SHISA6: variants seen among roughly 807,000 people sequenced by gnomAD.
The protein encoded by SHISA6 is protein shisa-6.
A neutral mutation model predicts 47.9 loss-of-function variants in SHISA6; 22 were observed. That is an observed-to-expected ratio of 0.46 (90% confidence interval 0.33 to 0.66). The LOEUF (loss-of-function observed/expected upper bound fraction) is 0.66. SHISA6 is among the 30% of genes least tolerant of loss of function. The pLI is 0.02. For missense variants in SHISA6, 680 were observed against 764.6 expected (o/e 0.89, Z 1.30); for synonymous variants, 388 against 337.8 (o/e 1.15, Z -1.63).
chr17:11,333,883 C>G (rs1442397836), intron 2 of SHISA6, among the ~76,000 whole-genome samples: 2 of 152,188 alleles, frequency 1.3e-5, no homozygotes, highest in Admixed American at 6.5e-5. Flanking sequence ...AGCTTCTGGT[C>G]TGGAGAGCAT....
At chr17:11,539,526 A>G (rs1432200283) in intron 3 of SHISA6, among the ~76,000 whole-genome samples, 1 of 152,086 alleles carries the variant, frequency 6.6e-6, no homozygotes, top group Non-Finnish European at 1.5e-5. Context: ...TCAACTGCCC[A>G]CCTCCCTTAG....
chr17:11,408,402 A>C (rs902181246), intron 3 of SHISA6, among the ~76,000 whole-genome samples: 2 of 152,164 alleles, frequency 1.3e-5, no homozygotes, highest in Non-Finnish European at 2.9e-5. Flanking sequence ...TGGGATCAGC[A>C]GTGTGTGTTT....
At chr17:11,519,047 G>A (rs907496117) in intron 3 of SHISA6, among the ~76,000 whole-genome samples, 9 of 152,084 alleles carry the variant, frequency 5.9e-5, no homozygotes, top group East Asian at 3.9e-4. Context: ...ACTTCCTCAC[G>A]TGTTATTGGA....
chr17:11,388,244 G>A (rs76962563), intron 3 of SHISA6, among the ~76,000 whole-genome samples: 1 of 152,136 alleles, frequency 6.6e-6, no homozygotes, highest in Non-Finnish European at 1.5e-5. Flanking sequence ...CTCAGAAGGC[G>A]TCGAGTCTCC....
chr17:11,280,313 G>A (rs1909075035), intron 2 of SHISA6, among the ~76,000 whole-genome samples: 1 of 152,196 alleles, frequency 6.6e-6, no homozygotes, highest in African/African-American at 2.4e-5. Flanking sequence ...TACCATCTGA[G>A]TAAACAAGAT....
intron 2 of SHISA6, among the ~76,000 whole-genome samples, chr17:11,287,770 A>T (rs1192914094): frequency 1.4e-5 from 1 of 71,598 alleles, no homozygotes; most frequent in Non-Finnish European, 2.8e-5. Flanking sequence ...GAGGGAAGGA[A>T]AGAAGGAAGG....
At chr17:11,524,562 TCTC>T (rs2071659688) in intron 3 of SHISA6, among the ~76,000 whole-genome samples, 1 of 151,810 alleles carries the variant, frequency 6.6e-6, no homozygotes, top group East Asian at 1.9e-4. Flanking sequence ...AATGGTGTGA[TCTC>T]AGCTCACCAC....
intron 3 of SHISA6, among the ~76,000 whole-genome samples, chr17:11,516,602 C>A (rs1474456659): frequency 6.6e-6 from 1 of 152,174 alleles, no homozygotes; most frequent in Non-Finnish European, 1.5e-5. Flanking sequence ...CCCACTGTGG[C>A]AGACTTCAAA....
intron 2 of SHISA6, among the ~76,000 whole-genome samples, chr17:11,335,862 G>A (rs1911300986): frequency 6.6e-6 from 1 of 152,084 alleles, no homozygotes; most frequent in African/African-American, 2.4e-5. Context: ...TTCATAACAC[G>A]CTTAGTGGTT....
At chr17:11,481,366 GTATATA>G (rs768989352) in intron 3 of SHISA6, among the ~76,000 whole-genome samples, 3,654 of 110,258 alleles carry the variant, frequency 0.033, 63 homozygotes, top group Non-Finnish European at 0.05. Flanking sequence ...GTGTGTGTGT[GTATATA>G]TATATATATA....
chr17:11,523,376 T>C (rs1333248030), intron 3 of SHISA6, among the ~76,000 whole-genome samples: 1 of 152,134 alleles, frequency 6.6e-6, no homozygotes, highest in Non-Finnish European at 1.5e-5. Flanking sequence ...CACCAAAAAG[T>C]GTAGCTGAAT....
At chr17:11,388,813 TATATATATATATATATA>T (rs1567592117) in intron 3 of SHISA6, among the ~76,000 whole-genome samples, 1 of 97,882 alleles carries the variant, frequency 1.0e-5, no homozygotes, top group African/African-American at 4.2e-5. Flanking sequence ...TATATATATA[TATATATATATATATATA>T]TATATATATA....
intron 2 of SHISA6, among the ~76,000 whole-genome samples, chr17:11,359,590 G>C (rs549931646): frequency 4.6e-5 from 7 of 152,212 alleles, no homozygotes; most frequent in African/African-American, 1.4e-4. Flanking sequence ...GTCTTGACAG[G>C]GACTCCAGCT....
At chr17:11,319,299 G>A (rs1427529476) in intron 2 of SHISA6, among the ~76,000 whole-genome samples, 5 of 152,108 alleles carry the variant, frequency 3.3e-5, no homozygotes, top group Middle Eastern at 3.4e-3. Flanking sequence ...GGCTAGTCTC[G>A]AACTCCTGAC....
intron 4 of SHISA6, among the ~76,000 whole-genome samples, chr17:11,554,963 C>G (rs1379321138): frequency 6.6e-6 from 1 of 152,096 alleles, no homozygotes; most frequent in African/African-American, 2.4e-5. Flanking sequence ...TTCTTTTCCC[C>G]AGCTCTGGCA....
intron 3 of SHISA6, among the ~76,000 whole-genome samples, chr17:11,492,662 C>T (rs574500235): frequency 6.6e-6 from 1 of 152,246 alleles, no homozygotes; most frequent in African/African-American, 2.4e-5. Flanking sequence ...CCTCCTTGCA[C>T]GCACTACTGT....
rs2072061870 is a variant in SHISA6, at chr17:11,563,224, AATGAATGTC to A, written c.*4925_*4933del. 3 of 152,328 alleles carry A rather than the reference AATGAATGTC, an allele frequency of 2.0e-5. No homozygotes were observed. The highest frequency in any genetic ancestry group is 7.2e-5 in the African/African-American group (3 of 41,580). 9.4% of individuals were successfully genotyped at this position (152,328 alleles called of 1,614,324 possible). A position where few individuals can be genotyped will look rare whatever the true frequency, so the allele number is the denominator to read the frequency against. On this transcript the variant is annotated 3_prime_UTR_variant, in exon 6 of 6. Transcript: ENST00000441885. ...ACGTGTTCACAGGCTGTTGTGTGGC[AATGAATGTC>A]ATGATAACCCACTCTGGAATATGTG...
At chr17:11,277,318 A>ACACACACC (rs1389004430) in intron 2 of SHISA6, among the ~76,000 whole-genome samples, 110 of 128,018 alleles carry the variant, frequency 8.6e-4, no homozygotes, top group East Asian at 5.7e-3. Context: ...ACACACACAC[A>ACACACACC]CCCCGCATGT....
Position 11,423,326 on chromosome 17 carries a change from T to TATAGATAGATAG in SHISA6, c.895+43849_895+43860dup, listed in dbSNP as rs57338481. On this transcript the variant is annotated intron_variant, in intron 3 of 5. Transcript: ENST00000441885. ...TATCTATATATGCCTGTAACATATA[T>TATAGATAGATAG]ATAGATAGATAGATAGATAGATAGA... Among the ~76,000 whole-genome samples, 1,335 of 142,664 alleles carry TATAGATAGATAG rather than the reference T, an allele frequency of 9.4e-3. 11 individuals carry two copies. Among genetic ancestry groups the TATAGATAGATAG allele is most frequent in the East Asian group, 0.023 (114 of 4,924 alleles). The allele number at this position is 142,664 out of a possible 152,430, so 93.6% of individuals were successfully genotyped here.
Sources: allele counts gnomAD v4.1 joint callset (sites outside exome capture counted in the v4.1 genomes callset), GRCh38; gene constraint gnomAD v4.1.1; transcripts MANE v1.5; gene names NCBI Gene and HGNC (gene_info 2026-07-23, HGNC 2026-07-21).